The following FHOD3 variants were observed in gnomAD, a reference collection of about 807,000 sequenced individuals.
FHOD3 encodes the protein FH1/FH2 domain-containing protein 3.
In FHOD3, 90 loss-of-function variants were observed where a neutral mutation model predicts 173.0. That is an observed-to-expected ratio of 0.52 (90% CI 0.44 to 0.62). FHOD3 has a LOEUF of 0.62. Ranked by LOEUF, FHOD3 falls within the 20% of genes least tolerant of loss-of-function variation. The pLI, the probability that FHOD3 is intolerant of heterozygous loss-of-function variation, is 0.00. For synonymous variants in FHOD3, 828 were observed against 823.0 expected, an observed-to-expected ratio of 1.01 and a Z score of -0.10; for missense variants, 1,945 against 2,034.7, an observed-to-expected ratio of 0.96 and a Z score of 0.85.
At chr18:36,722,969 A>G (rs898788414) in intron 19 of FHOD3, among the ~76,000 whole-genome samples, 9 of 151,942 alleles carry the variant, frequency 5.9e-5, no homozygotes, top group Non-Finnish European at 1.2e-4. Context: ...AATTCTACCT[A>G]GAAACTCTGA....
intron 3 of FHOD3, among the ~76,000 whole-genome samples, chr18:36,411,944 C>A (rs2049373990): frequency 6.6e-6 from 1 of 152,234 alleles, no homozygotes; most frequent in African/African-American, 2.4e-5. Flanking sequence ...TCTTCTCTCA[C>A]CTACAACCAG....
intron 4 of FHOD3, among the ~76,000 whole-genome samples, chr18:36,505,779 C>G (rs141268293): frequency 2.0e-3 from 300 of 152,314 alleles, no homozygotes; most frequent in African/African-American, 6.9e-3. Context: ...TTTGTAGTTA[C>G]AGCCCCAGAA....
intron 3 of FHOD3, among the ~76,000 whole-genome samples, chr18:36,491,678 G>A (rs999498826): frequency 6.7e-6 from 1 of 149,260 alleles, no homozygotes; most frequent in Admixed American, 6.6e-5. Flanking sequence ...GTAGTATGTA[G>A]CCTTTTTCAG....
chr18:36,667,904 C>G (rs1010538339), intron 14 of FHOD3, among the ~76,000 whole-genome samples: 6 of 152,164 alleles, frequency 3.9e-5, no homozygotes, highest in Admixed American at 3.3e-4. Flanking sequence ...ACATTGTTGA[C>G]TGAAATGTTA....
intron 9 of FHOD3, among the ~76,000 whole-genome samples, chr18:36,615,360 T>C (rs1010362782): frequency 6.6e-6 from 1 of 152,086 alleles, no homozygotes; most frequent in Non-Finnish European, 1.5e-5. Context: ...TTGATGAAAA[T>C]TTGGAAAATA....
chr18:36,681,338 G>T, intron 14 of FHOD3, 98 bp from the exon 15 acceptor site: 1 of 1,451,780 alleles, frequency 6.9e-7, no homozygotes, highest in Admixed American at 2.0e-5. Flanking sequence ...CCTAGGTACC[G>T]GCAGACCCTC....
At chr18:36,531,745 G>C (rs2056790496) in intron 5 of FHOD3, among the ~76,000 whole-genome samples, 1 of 152,156 alleles carries the variant, frequency 6.6e-6, no homozygotes, top group Admixed American at 6.5e-5. Context: ...AACTCTCTGG[G>C]ACTGGCTCTT....
chr18:36,336,311 C>A (rs2045306354), intron 1 of FHOD3, among the ~76,000 whole-genome samples: 1 of 152,140 alleles, frequency 6.6e-6, no homozygotes, highest in Non-Finnish European at 1.5e-5. Flanking sequence ...ACCAAAAGCA[C>A]TTGGACCATT....
chr18:36,628,813 CTT>C (rs373300863), intron 10 of FHOD3, among the ~76,000 whole-genome samples: 294 of 152,332 alleles, frequency 1.9e-3, no homozygotes, highest in African/African-American at 7.0e-3. Context: ...CATGGGTGCT[CTT>C]TCTCCTGAGG....
At chr18:36,578,809 T>C (rs2058747820) in intron 6 of FHOD3, among the ~76,000 whole-genome samples, 1 of 152,154 alleles carries the variant, frequency 6.6e-6, no homozygotes, top group Admixed American at 6.6e-5. Flanking sequence ...GGCATGCGAA[T>C]CCCCATGGGG....
At chr18:36,535,233 T>C (rs2146964783) in intron 5 of FHOD3, among the ~76,000 whole-genome samples, 2 of 152,212 alleles carry the variant, frequency 1.3e-5, no homozygotes, top group Middle Eastern at 3.4e-3. Flanking sequence ...AGAGTGAAAA[T>C]AGCATGCTCT....
intron 3 of FHOD3, among the ~76,000 whole-genome samples, chr18:36,382,201 TG>T (rs1320962510): frequency 6.6e-6 from 1 of 152,156 alleles, no homozygotes; most frequent in African/African-American, 2.4e-5. Context: ...GGTGGGATGC[TG>T]TCGTCCCCAA....
chr18:36,496,010 C>G (rs979875209), intron 3 of FHOD3, among the ~76,000 whole-genome samples: 10 of 152,214 alleles, frequency 6.6e-5, no homozygotes, highest in Non-Finnish European at 1.5e-5. Context: ...TCTGGCAGGC[C>G]AGGTACCGTT....
intron 17 of FHOD3, among the ~76,000 whole-genome samples, chr18:36,699,943 A>G (rs1249361258): frequency 6.6e-6 from 1 of 152,100 alleles, no homozygotes; most frequent in African/African-American, 2.4e-5. Flanking sequence ...CCCCCTCTGG[A>G]TGCCTCTTTG....
intron 5 of FHOD3, among the ~76,000 whole-genome samples, chr18:36,537,352 A>G (rs8097164): frequency 0.51 from 78,146 of 151,954 alleles, 20,139 homozygotes; most frequent in East Asian, 0.63. Context: ...TACCATTTTT[A>G]GTCACTCCTT....
chr18:36,679,375 CTA>C (rs140628792), intron 14 of FHOD3, among the ~76,000 whole-genome samples: 3,745 of 151,822 alleles, frequency 0.025, 159 homozygotes, highest in African/African-American at 0.086. Context: ...TGATTTTTGT[CTA>C]TACACCTTCG....
intron 3 of FHOD3, among the ~76,000 whole-genome samples, chr18:36,460,189 T>TCC (rs747181748): frequency 5.3e-5 from 8 of 152,148 alleles, no homozygotes; most frequent in Non-Finnish European, 1.2e-4. Flanking sequence ...TGTCAGACTG[T>TCC]CCCCCACTGT....
At chr18:36,721,010 T>C (rs1018038848) in intron 19 of FHOD3, among the ~76,000 whole-genome samples, 1 of 152,068 alleles carries the variant, frequency 6.6e-6, no homozygotes, top group African/African-American at 2.4e-5. Flanking sequence ...TTCACCTACC[T>C]CCCTCCTTCT....
intron 16 of FHOD3, among the ~76,000 whole-genome samples, chr18:36,690,636 C>T (rs543290367): frequency 2.0e-5 from 3 of 152,252 alleles, no homozygotes; most frequent in South Asian, 2.1e-4. Flanking sequence ...ACCAGCCCAC[C>T]GCCTTCACCA....
Sources: allele counts gnomAD v4.1 joint callset (sites outside exome capture counted in the v4.1 genomes callset), GRCh38; gene constraint gnomAD v4.1.1; transcripts MANE v1.5; gene names NCBI Gene and HGNC (gene_info 2026-07-23, HGNC 2026-07-21).